Variants in SCAF11 observed in about 807,000 individuals in gnomAD.
SCAF11 encodes SR-related CTD associated factor 11.
Under a neutral mutation model 140.5 loss-of-function variants are expected in SCAF11, and 47 were observed. The ratio of observed to expected loss-of-function variants is 0.33; its 90% CI spans 0.26 to 0.43. SCAF11 has a LOEUF of 0.43. Ranked by LOEUF, SCAF11 falls within the 20% of genes least tolerant of loss-of-function variation. The pLI is 1.00. For missense variants in SCAF11, 1,645 were observed against 1,705.1 expected (o/e 0.96, Z 0.62); for synonymous variants, 557 against 579.4 (o/e 0.96, Z 0.55).
intron 6 of SCAF11, among the ~76,000 whole-genome samples, chr12:45,936,159 T>G (rs959265856): frequency 2.6e-5 from 4 of 152,052 alleles, no homozygotes; most frequent in South Asian, 4.1e-4. Context: ...TTTTTTTTTT[T>G]GAAACAGAAT....
chr12:45,940,328 A>T (rs1316429859), intron 6 of SCAF11, among the ~76,000 whole-genome samples: 1 of 152,218 alleles, frequency 6.6e-6, no homozygotes. Context: ...ATTAAAAATT[A>T]TTTTTGAGCT....
intron 1 of SCAF11, chr12:45,974,256 G>A (rs1207129758): frequency 2.1e-6 from 1 of 469,714 alleles, no homozygotes; most frequent in South Asian, 1.6e-5. Flanking sequence ...TTTTGATGGT[G>A]GAGGGTCTTG....
At chr12:45,952,429 C>T (rs1945573861) in intron 3 of SCAF11, among the ~76,000 whole-genome samples, 1 of 152,034 alleles carries the variant, frequency 6.6e-6, no homozygotes, top group Admixed American at 6.6e-5. Flanking sequence ...GCACATTTTC[C>T]TATTTTTAAG....
At chr12:45,975,608 G>A (rs1030147228) in intron 1 of SCAF11, 4 of 169,536 alleles carry the variant, frequency 2.4e-5, no homozygotes, top group African/African-American at 9.6e-5. Flanking sequence ...CTGGCTTGAA[G>A]AGCGTTAGAG....
chr12:45,986,432 C>T (rs1946461135), intron 1 of SCAF11, among the ~76,000 whole-genome samples: 1 of 152,128 alleles, frequency 6.6e-6, no homozygotes, highest in Admixed American at 6.5e-5. Context: ...AATTATCATC[C>T]TAATTCAAGC....
intron 1 of SCAF11, among the ~76,000 whole-genome samples, chr12:45,972,893 G>GATAT (rs377736896): frequency 1.6e-5 from 1 of 63,830 alleles, no homozygotes; most frequent in African/African-American, 1.3e-4. Flanking sequence ...TATATATATA[G>GATAT]ATATATATAT....
chr12:45,964,580 T>C (rs897169688), intron 1 of SCAF11, among the ~76,000 whole-genome samples: 7 of 151,168 alleles, frequency 4.6e-5, no homozygotes, highest in African/African-American at 1.7e-4. Context: ...GGCAGGAGAA[T>C]GGCGTGAACC....
chr12:45,923,132 A>G lies in SCAF11; in HGVS notation c.3929T>C (p.Val1310Ala). ...QLQGIPSSSH[V>A]SNNMSTPVLP... The stretch of plus-strand genomic sequence containing the variant: ...AACTGGTGTACTCATGTTATTACTT[A>G]CATGAGAAGAACTAGGAATACCCTG... Residue 1310 changes from valine to alanine, a missense_variant, in exon 13 of 15, where the codon GTA becomes GCA. By Grantham distance (64) the Val-to-Ala change is moderately conservative. This residue lies in a region of SCAF11 where 1,582 missense variants were observed against 1,609.2 expected (regional missense o/e 0.98). Coordinates refer to ENST00000369367, the MANE Select transcript of SCAF11 (RefSeq NM_004719.3). 6.2e-7 allele frequency: 1 copy of G among 1,614,082 alleles called. No individual in the cohort carries two copies. Among genetic ancestry groups the G allele is most frequent in the South Asian group, 1.1e-5 (1 of 91,082 alleles).
At chr12:45,980,485 T>C (rs1946324373) in intron 1 of SCAF11, among the ~76,000 whole-genome samples, 1 of 152,160 alleles carries the variant, frequency 6.6e-6, no homozygotes, top group Admixed American at 6.5e-5. Context: ...CATTTTACAG[T>C]GATACTGTCA....
At chr12:45,951,208 G>A (rs967521715) in intron 4 of SCAF11, among the ~76,000 whole-genome samples, 1 of 151,978 alleles carries the variant, frequency 6.6e-6, no homozygotes, top group Non-Finnish European at 1.5e-5. Flanking sequence ...TTGGACTTAA[G>A]GTTTTGTGGG....
At chr12:45,970,131 T>A (rs1450100940) in intron 1 of SCAF11, among the ~76,000 whole-genome samples, 1 of 152,154 alleles carries the variant, frequency 6.6e-6, no homozygotes. Context: ...CCTGACCTCG[T>A]GATCCACCCG....
At chr12:45,930,948 C>T (rs1224126576) in intron 10 of SCAF11, 2 of 152,074 alleles carry the variant, frequency 1.3e-5, no homozygotes, top group Admixed American at 6.6e-5. Context: ...TGTATAATGT[C>T]GCCACCCAGT....
chr12:45,958,027 A>G (rs1040012091), intron 3 of SCAF11, among the ~76,000 whole-genome samples: 5 of 151,930 alleles, frequency 3.3e-5, no homozygotes, highest in African/African-American at 1.2e-4. Context: ...CAGCTTCCCA[A>G]GTAGCTGGGA....
At chr12:45,936,572 CAA>C (rs1681558377) in intron 6 of SCAF11, among the ~76,000 whole-genome samples, 1 of 152,162 alleles carries the variant, frequency 6.6e-6, no homozygotes, top group South Asian at 2.1e-4. Context: ...CACTCAAACA[CAA>C]CAACTCATCC....
chr12:45,991,966 C>G (rs1565701321), upstream of SCAF11: 3 of 1,289,240 alleles, frequency 2.3e-6, no homozygotes, highest in Middle Eastern at 2.1e-4. Context: ...GCTGCGCTCT[C>G]CAGCCACCCT....
At chr12:45,977,379 A>C (rs1946258433) in intron 1 of SCAF11, among the ~76,000 whole-genome samples, 1 of 152,138 alleles carries the variant, frequency 6.6e-6, no homozygotes, top group Non-Finnish European at 1.5e-5. Context: ...TTGCATTTAC[A>C]TGCAAACCTA....
Position 45,926,485 on chromosome 12 carries a change from A to T in SCAF11, c.3216T>A (p.Gly1072=). 1 of 1,614,156 alleles carries T rather than the reference A, an allele frequency of 6.2e-7. No homozygotes were observed. Among genetic ancestry groups the T allele is most frequent in the Non-Finnish European group, 8.5e-7 (1 of 1,180,020 alleles). Reference sequence around the variant, plus strand: ...CTCTGCCACGGTTGCCTCTGCCTCTACCACGGTTAGATACCCAACCAGAAC... The same window carrying T: ...CTCTGCCACGGTTGCCTCTGCCTCTTCCACGGTTAGATACCCAACCAGAAC... The part of the protein sequence containing the change: ...NFGSGWVSNR[G]RGRGNRGRGT... Residue 1072 remains glycine (G), a synonymous_variant, in exon 11 of 15, where the codon GGT becomes GGA. Coordinates refer to ENST00000369367, the MANE Select transcript of SCAF11 (RefSeq NM_004719.3).
intron 1 of SCAF11, 48 bp downstream of exon 1, chr12:45,990,305 C>T: frequency 8.1e-7 from 1 of 1,231,652 alleles, no homozygotes; most frequent in Non-Finnish European, 1.0e-6. Context: ...TCGTCTCTCC[C>T]AGACAGCTGC....
Position 45,927,888 on chromosome 12 carries a change from G to C in SCAF11, c.1813C>G (p.Leu605Val). ...GATTCTAACTTGGGGCTCTCTATAAGCTCCTCTGTTTTTAGTGTAAAATCT... is the reference window on the plus strand; with the variant it reads ...GATTCTAACTTGGGGCTCTCTATAACCTCCTCTGTTTTTAGTGTAAAATCT... ...HKDFTLKTEE[L>V]IESPKLESSE... The change falls in exon 11 of 15, where the codon CTT (leucine) becomes GTT (valine). Residue 605 changes from leucine (L) to valine (V), a missense_variant. This residue lies in a region of SCAF11 where 1,582 missense variants were observed against 1,609.2 expected (regional missense o/e 0.98). Transcript: ENST00000369367. 6.2e-7 allele frequency: 1 copy of C among 1,612,762 alleles called. No individual in the cohort carries two copies. The highest frequency in any genetic ancestry group is 1.1e-5 in the South Asian group (1 of 90,780).
Sources: allele counts gnomAD v4.1 joint callset (sites outside exome capture counted in the v4.1 genomes callset), GRCh38; gene constraint gnomAD v4.1.1; regional missense constraint gnomAD v4.1.1; transcripts MANE v1.5; gene names NCBI Gene and HGNC (gene_info 2026-07-23, HGNC 2026-07-21).